Variants in GRID1 observed in about 807,000 individuals in gnomAD.
GRID1 encodes glutamate receptor ionotropic, delta-1.
GRID1 carries 28 observed loss-of-function variants against 98.0 expected under a neutral mutation model. The observed-to-expected ratio is 0.29, with a 90% confidence interval of 0.21 to 0.39. The LOEUF is 0.39. Among genes scored for constraint, GRID1 ranks in the 10% least tolerant of loss-of-function variants. GRID1 has a pLI of 1.00. For synonymous variants in GRID1, 553 were observed against 538.5 expected, an observed-to-expected ratio of 1.03 and a Z score of -0.37; for missense variants, 1,111 against 1,340.5, an observed-to-expected ratio of 0.83 and a Z score of 2.67.
intron 2 of GRID1, among the ~76,000 whole-genome samples, chr10:86,336,777 T>C (rs1564742304): frequency 6.6e-6 from 1 of 151,964 alleles, no homozygotes. Context: ...TGTTATTTCA[T>C]GTAAGCGTCG....
chr10:86,299,005 G>A (rs1847638104), intron 2 of GRID1, among the ~76,000 whole-genome samples: 1 of 152,090 alleles, frequency 6.6e-6, no homozygotes, highest in African/African-American at 2.4e-5. Context: ...CATATCTGAG[G>A]CACTGGGGGT....
intron 2 of GRID1, among the ~76,000 whole-genome samples, chr10:86,239,101 G>A (rs907158509): frequency 2.0e-5 from 3 of 152,232 alleles, no homozygotes; most frequent in African/African-American, 7.2e-5. Context: ...GCTGAGCCCT[G>A]CAGAGCCATA....
At position 85,825,098 on chromosome 10, in the gene GRID1, G is replaced by A. The variant is rs778638713; in HGVS notation, c.1233+29398C>T. On this transcript the variant is annotated intron_variant, in intron 8 of 15. Transcript: ENST00000327946. Reference sequence around the variant, plus strand: ...AGATTGAATGATAGGTCTACTTTTAGTTTTTTGAGAAATGCCCATATTGTT... The same window carrying A: ...AGATTGAATGATAGGTCTACTTTTAATTTTTTGAGAAATGCCCATATTGTT... Among the ~76,000 whole-genome samples, 5 of 152,282 alleles carry A rather than the reference G, an allele frequency of 3.3e-5. No individual in the cohort carries two copies. In the South Asian group the frequency reaches 8.3e-4, roughly 25 times the overall value.
Position 86,195,758 on chromosome 10 carries a change from CA to C in GRID1, c.520+10605del, listed in dbSNP as rs1845863592. Among the ~76,000 whole-genome samples the C allele has an allele frequency of 6.6e-6, 1 of 152,102 alleles. No individual in the cohort carries two copies. The highest frequency in any genetic ancestry group is 2.4e-5 in the African/African-American group (1 of 41,438). ...CATGGCTGTGTCTGGGCGTGACCCC[CA>C]CCTTTTGGTTCTAAGTGGCCTTGTC... On this transcript the variant is annotated intron_variant, in intron 3 of 15. Transcript: ENST00000327946. This position sits in a 1 kb window ranked among gnomAD's most constrained non-coding sequence, Gnocchi z 4.4.
intron 8 of GRID1, among the ~76,000 whole-genome samples, chr10:85,819,446 T>C (rs1018185654): frequency 1.3e-5 from 2 of 152,090 alleles, no homozygotes; most frequent in East Asian, 3.9e-4. Flanking sequence ...CTAATAAATA[T>C]CATATGACAA....
chr10:85,903,761 C>T (rs1841421682), intron 5 of GRID1, among the ~76,000 whole-genome samples: 1 of 152,198 alleles, frequency 6.6e-6, no homozygotes. Flanking sequence ...GCCTCTGTGC[C>T]ATTCCTAAAG....
chr10:86,204,806 C>A (rs1351490662), intron 3 of GRID1, among the ~76,000 whole-genome samples: 1 of 152,168 alleles, frequency 6.6e-6, no homozygotes, highest in Non-Finnish European at 1.5e-5. Flanking sequence ...GACCACAGCA[C>A]CCCCATCCCT....
Position 85,601,034 on chromosome 10 carries a change from AC to A in GRID1, c.*1238del, listed in dbSNP as rs1485171821. On this transcript the variant is annotated 3_prime_UTR_variant, in exon 16 of 16. Coordinates refer to ENST00000327946, the MANE Select transcript of GRID1 (RefSeq NM_017551.3). ...ATTTATGACCCAGAGATAGGCCTTTACTTTTGGGGCTACAAGCAACTTCCCT... is the reference window on the plus strand; with the variant it reads ...ATTTATGACCCAGAGATAGGCCTTTATTTTGGGGCTACAAGCAACTTCCCT... 1.3e-5 allele frequency: 2 copies of A among 152,208 alleles called. No homozygotes were observed. The highest frequency in any genetic ancestry group is 2.9e-5 in the Non-Finnish European group (2 of 68,100). 9.4% of individuals were successfully genotyped at this position (152,208 alleles called of 1,614,324 possible). A position where few individuals can be genotyped will look rare whatever the true frequency, so the allele number is the denominator to read the frequency against.
intron 13 of GRID1, among the ~76,000 whole-genome samples, chr10:85,629,026 T>C (rs568426768): frequency 7.2e-4 from 109 of 152,038 alleles, no homozygotes; most frequent in African/African-American, 2.4e-3. Context: ...ATGGAGGTGT[T>C]CCCAGGCTAC....
chr10:86,029,787 T>G (rs2352180), intron 4 of GRID1, among the ~76,000 whole-genome samples: 1,932 of 152,064 alleles, frequency 0.013, 40 homozygotes, highest in African/African-American at 0.043. Flanking sequence ...GCAATTAACC[T>G]GCAAATTCTG....
intron 4 of GRID1, among the ~76,000 whole-genome samples, chr10:86,070,866 A>C (rs942925243): frequency 1.3e-5 from 2 of 152,164 alleles, no homozygotes; most frequent in African/African-American, 4.8e-5. Flanking sequence ...GAGAGAAACC[A>C]ATAAAGAGGG....
intron 2 of GRID1, among the ~76,000 whole-genome samples, chr10:86,214,407 C>T: frequency 6.6e-6 from 1 of 152,230 alleles, no homozygotes; most frequent in Admixed American, 6.5e-5. Flanking sequence ...TCTAGAGAAC[C>T]TTCCACACCG....
intron 8 of GRID1, among the ~76,000 whole-genome samples, chr10:85,772,321 C>G (rs1450074957): frequency 6.6e-6 from 1 of 151,966 alleles, no homozygotes; most frequent in East Asian, 1.9e-4. Context: ...ACATTCAAAG[C>G]AGTGTGTAGA....
intron 2 of GRID1, among the ~76,000 whole-genome samples, chr10:86,252,454 A>C (rs1327446276): frequency 6.6e-6 from 1 of 152,230 alleles, no homozygotes; most frequent in African/African-American, 2.4e-5. Flanking sequence ...ACTGCACTGT[A>C]AGGATTACTT....
chr10:86,171,079 A>G (rs181665592), intron 3 of GRID1, among the ~76,000 whole-genome samples: 48 of 152,220 alleles, frequency 3.2e-4, no homozygotes, highest in Non-Finnish European at 6.0e-4. Context: ...AATACTCTCT[A>G]CCCTATACCA....
rs542231572 is a variant in GRID1 at position 86,179,755 on chromosome 10, G to A, written c.520+26609C>T. On this transcript the variant is annotated intron_variant, in intron 3 of 15. Coordinates refer to ENST00000327946, the MANE Select transcript of GRID1 (RefSeq NM_017551.3). Reference sequence around the variant, plus strand: ...TCATGTCTAAATACACATAAACGTCGGCTAGGATTTCAGCTACTTCAATCC... The same window carrying A: ...TCATGTCTAAATACACATAAACGTCAGCTAGGATTTCAGCTACTTCAATCC... 7.9e-5 allele frequency among the ~76,000 whole-genome samples: 12 copies of A among 152,104 alleles called. No individual in the cohort carries two copies. In the East Asian group the frequency reaches 1.2e-3, roughly 15 times the overall value.
At chr10:85,833,664 C>G (rs1426690043) in intron 8 of GRID1, among the ~76,000 whole-genome samples, 1 of 152,050 alleles carries the variant, frequency 6.6e-6, no homozygotes, top group Non-Finnish European at 1.5e-5. Context: ...CAGGATGGAT[C>G]AGATGTTTTA....
chr10:85,969,061 A>G (rs1842374339), intron 4 of GRID1, among the ~76,000 whole-genome samples: 1 of 152,214 alleles, frequency 6.6e-6, no homozygotes, highest in African/African-American at 2.4e-5. Context: ...AGCAGACAAA[A>G]TAGACTTTAA....
At chr10:86,353,296 A>T (rs1848487194) in intron 2 of GRID1, among the ~76,000 whole-genome samples, 1 of 152,254 alleles carries the variant, frequency 6.6e-6, no homozygotes, top group South Asian at 2.1e-4. Context: ...ACCTCACGTG[A>T]GTCCAGGAGG....
Sources: gnomAD v4.1 joint callset for allele counts (sites outside exome capture counted in the v4.1 genomes callset) on GRCh38, gnomAD v4.1.1 for gene constraint, Gnocchi (gnomAD v3.1) non-coding constraint, MANE v1.5 for transcripts, NCBI Gene and HGNC (gene_info 2026-07-23, HGNC 2026-07-21) for gene names.